Variants in PARP15 observed in about 807,000 individuals in gnomAD.
PARP15 encodes protein mono-ADP-ribosyltransferase PARP15.
PARP15 carries 50 observed loss-of-function variants against 62.1 expected under a neutral mutation model. That is an observed-to-expected ratio of 0.81 (90% CI 0.64 to 1.02). The LOEUF (loss-of-function observed/expected upper bound fraction) is 1.02. Ranked by LOEUF, PARP15 falls within the 50% of genes least tolerant of loss-of-function variation. The pLI, the probability that PARP15 is intolerant of heterozygous loss-of-function variation, is 0.00. For missense variants in PARP15, 820 were observed against 826.5 expected (o/e 0.99, Z 0.10); for synonymous variants, 309 against 293.1 (o/e 1.05, Z -0.55).
chr3:122,579,999 GTATATATATATATA>G (rs59527124), intron 1 of PARP15, among the ~76,000 whole-genome samples: 11 of 64,476 alleles, frequency 1.7e-4, no homozygotes, highest in South Asian at 1.2e-3. Flanking sequence ...GCAACTATAT[GTATATATATATATA>G]TATATATATA....
chr3:122,625,028 AT>A (rs899548276), intron 8 of PARP15, among the ~76,000 whole-genome samples: 1 of 151,194 alleles, frequency 6.6e-6, no homozygotes, highest in African/African-American at 2.4e-5. Context: ...TTACTATTAC[AT>A]TTTTTTACCA....
At chr3:122,591,857 C>A (rs537134792) in intron 1 of PARP15, among the ~76,000 whole-genome samples, 1 of 151,852 alleles carries the variant, frequency 6.6e-6, no homozygotes, top group East Asian at 1.9e-4. Context: ...AGATTCCAGG[C>A]GTCCCACAAT....
intron 8 of PARP15, among the ~76,000 whole-genome samples, chr3:122,622,041 C>T (rs1435460795): frequency 2.0e-5 from 3 of 152,228 alleles, no homozygotes; most frequent in Admixed American, 6.5e-5. Flanking sequence ...TCAAGCAATC[C>T]GCCTGCCTCA....
chr3:122,584,696 G>C (rs1255970729), intron 1 of PARP15, among the ~76,000 whole-genome samples: 1 of 150,348 alleles, frequency 6.7e-6, no homozygotes, highest in Admixed American at 6.8e-5. Context: ...TCCTGCTTCA[G>C]CCTCCCAAGT....
In PARP15 at chr3:122,635,929, T is replaced by C. The variant is rs763884809; in HGVS notation, c.1866T>C (p.Thr622=). 1.2e-6 allele frequency: 2 copies of C among 1,614,156 alleles called. No individual in the cohort carries two copies. The highest frequency in any genetic ancestry group is 1.3e-5 in the African/African-American group (1 of 75,046). The change falls in exon 12 of 12, where the codon ACT becomes ACC. Residue 622 remains threonine (T), a synonymous_variant. Transcript: ENST00000464300. The part of the protein sequence containing the change: ...RKHMYVVRVL[T]GVFTKGRAGL... ...ACATGTACGTTGTGCGAGTACTTAC[T>C]GGAGTCTTCACAAAGGGACGTGCAG... is the stretch of plus-strand genomic sequence containing the variant.
chr3:122,586,204 C>G (rs909713456), intron 1 of PARP15, among the ~76,000 whole-genome samples: 1 of 143,282 alleles, frequency 7.0e-6, no homozygotes, highest in African/African-American at 2.6e-5. Flanking sequence ...CTCTCCTATT[C>G]TTAATATTTC....
At chr3:122,592,651 G>A (rs1342599602) in intron 1 of PARP15, among the ~76,000 whole-genome samples, 1 of 151,366 alleles carries the variant, frequency 6.6e-6, no homozygotes, top group African/African-American at 2.4e-5. Flanking sequence ...ACAAGGCAAA[G>A]GAAGAGGGGA....
intron 2 of PARP15, among the ~76,000 whole-genome samples, chr3:122,608,233 T>TTTTTTTC (rs1553730643): frequency 9.5e-5 from 14 of 146,698 alleles, no homozygotes; most frequent in African/African-American, 2.9e-4. Flanking sequence ...TTTTTTTTTT[T>TTTTTTTC]TGATACTGAG....
At chr3:122,615,191 CT>C in intron 4 of PARP15, 6 of 1,246,148 alleles carry the variant, frequency 4.8e-6, no homozygotes, top group Non-Finnish European at 6.2e-6. Flanking sequence ...AATTTTATCA[CT>C]CACACGACCA....
intron 8 of PARP15, among the ~76,000 whole-genome samples, chr3:122,623,761 T>C (rs1467945976): frequency 6.6e-6 from 1 of 152,184 alleles, no homozygotes; most frequent in Non-Finnish European, 1.5e-5. Flanking sequence ...TTTTGTTGAA[T>C]GGAGGAATGA....
At chr3:122,587,329 G>T (rs1214566272) in intron 1 of PARP15, among the ~76,000 whole-genome samples, 1 of 152,166 alleles carries the variant, frequency 6.6e-6, no homozygotes, top group Admixed American at 6.5e-5. Flanking sequence ...ATGACTGCTG[G>T]ATCATATGAG....
chr3:122,579,549 A>G (rs778172427), intron 1 of PARP15, among the ~76,000 whole-genome samples: 2 of 152,180 alleles, frequency 1.3e-5, no homozygotes, highest in Non-Finnish European at 2.9e-5. Flanking sequence ...TAGTTCCAGA[A>G]CGTCATGTAC....
Position 122,635,191 on chromosome 3 carries a change from A to G in PARP15, c.1744A>G (p.Asn582Asp). 6.2e-7 allele frequency: 1 copy of G among 1,612,522 alleles called. No individual in the cohort carries two copies. Among genetic ancestry groups the G allele is most frequent in the Non-Finnish European group, 8.5e-7 (1 of 1,179,320 alleles). ...CTTTAATAGAAGTTGTGCTGGGAAAAATGGTAAGGAAGCAAGTAATTTGGC... is the reference window on the plus strand; with the variant it reads ...CTTTAATAGAAGTTGTGCTGGGAAAGATGGTAAGGAAGCAAGTAATTTGGC... Reference protein sequence around the residue: ...HGFNRSCAGKNAVSYGKGTYF... With the variant: ...HGFNRSCAGKDAVSYGKGTYF... Residue 582 changes from asparagine to aspartate, a missense_variant, in exon 11 of 12, where the codon AAT becomes GAT. By Grantham distance (23) the Asn-to-Asp change is conservative (BLOSUM62 1). Coordinates refer to ENST00000464300, the MANE Select transcript of PARP15 (RefSeq NM_001113523.3).
Position 122,627,026 on chromosome 3 carries a change from G to A in PARP15, c.1431G>A (p.Met477Ile), listed in dbSNP as rs1227287547. Residue 477 changes from methionine to isoleucine, a missense_variant, in exon 9 of 12, where the codon ATG becomes ATA. Physicochemically the swap from Met to Ile is conservative, Grantham distance 10 (BLOSUM62 1). This residue lies in a region of PARP15 where 731 missense variants were observed against 727.7 expected (regional missense o/e 1.00). Transcript: ENST00000464300. The part of the protein sequence containing the change: ...ASLNFQSTFS[M>I]TTCNLPEHWT... ...TGAACTTTCAGTCCACATTCTCCAT[G>A]ACTACATGTAAGATGTTCACTTTTT... is the stretch of plus-strand genomic sequence containing the variant. The A allele has an allele frequency of 1.2e-6, 2 of 1,607,640 alleles. No individual in the cohort carries two copies. Among genetic ancestry groups the A allele is most frequent in the Non-Finnish European group, 1.7e-6 (2 of 1,175,686 alleles).
chr3:122,625,735 C>G (rs1003551756), intron 8 of PARP15, among the ~76,000 whole-genome samples: 1 of 152,226 alleles, frequency 6.6e-6, no homozygotes, highest in African/African-American at 2.4e-5. Flanking sequence ...ACCTTGGCCT[C>G]AGTCTTCTAG....
intron 9 of PARP15, among the ~76,000 whole-genome samples, chr3:122,631,219 C>T (rs1343652503): frequency 1.3e-5 from 2 of 152,146 alleles, no homozygotes; most frequent in African/African-American, 4.8e-5. Context: ...AATCACGCAC[C>T]TTATTGGTGG....
rs145122210 is a variant in PARP15 at position 122,618,010 on chromosome 3, G to A, written c.1000+846G>A. 4.1e-3 allele frequency among the ~76,000 whole-genome samples: 622 copies of A among 152,276 alleles called. 3 individuals are homozygous for A. The highest frequency in any genetic ancestry group is 0.013 in the African/African-American group (549 of 41,540). ...GCCTCCCTAAGTGCTGGGATTACAG[G>A]TGTGAGCCACCATGCCCAGCCCTCT... is the stretch of plus-strand genomic sequence containing the variant. On this transcript the variant is annotated intron_variant, in intron 6 of 11. Transcript: ENST00000464300.
At chr3:122,632,584 C>T (rs1937121559) in intron 10 of PARP15, among the ~76,000 whole-genome samples, 1 of 152,236 alleles carries the variant, frequency 6.6e-6, no homozygotes, top group Non-Finnish European at 1.5e-5. Context: ...TCCAACTTTG[C>T]TGTCCTCTGT....
intron 2 of PARP15, among the ~76,000 whole-genome samples, chr3:122,608,768 CTTT>C (rs200651765): frequency 4.4e-5 from 6 of 137,148 alleles, no homozygotes; most frequent in African/African-American, 5.3e-5. Flanking sequence ...AACAAGGTTA[CTTT>C]TTTTTTTTTT....
Sources: gnomAD v4.1 joint callset for allele counts (sites outside exome capture counted in the v4.1 genomes callset) on GRCh38, gnomAD v4.1.1 for gene constraint, gnomAD v4.1.1 regional missense constraint, MANE v1.5 for transcripts, NCBI Gene and HGNC (gene_info 2026-07-23, HGNC 2026-07-21) for gene names.